Variants in ANAPC10 observed in about 807,000 individuals in gnomAD.
The protein encoded by ANAPC10 is anaphase-promoting complex subunit 10.
ANAPC10 carries 12 observed loss-of-function variants against 22.0 expected under a neutral mutation model. That is an observed-to-expected ratio of 0.55 (90% CI 0.35 to 0.88). The LOEUF (loss-of-function observed/expected upper bound fraction) is 0.88, where lower values mean the gene tolerates loss of function less well. Ranked by LOEUF, ANAPC10 falls within the 40% of genes least tolerant of loss-of-function variation. The probability of loss-of-function intolerance (pLI) is 0.01; values close to 1 mark genes in which losing one functional copy is unlikely to be tolerated. For missense variants in ANAPC10, 188 were observed against 220.9 expected, an observed-to-expected ratio of 0.85 and a Z score of 0.94; for synonymous variants, 65 against 69.5, an observed-to-expected ratio of 0.94 and a Z score of 0.32.
At chr4:145,043,214 A>C (rs1319419930) in intron 4 of ANAPC10, among the ~76,000 whole-genome samples, 1 of 152,156 alleles carries the variant, frequency 6.6e-6, no homozygotes, top group African/African-American at 2.4e-5. Context: ...TCAGTATACA[A>C]ATTTCTGTAA....
chr4:145,012,730 A>G (rs1421738347), intron 4 of ANAPC10, among the ~76,000 whole-genome samples: 2 of 152,198 alleles, frequency 1.3e-5, no homozygotes, highest in Non-Finnish European at 2.9e-5. Context: ...TCTTCTAAAT[A>G]TTTAAAAAAT....
chr4:145,012,197 CACACACACAT>C (rs1560821143), intron 4 of ANAPC10, among the ~76,000 whole-genome samples: 2 of 90,262 alleles, frequency 2.2e-5, no homozygotes, highest in Non-Finnish European at 4.6e-5. Flanking sequence ...TATATATATA[CACACACACAT>C]ATATATACAT....
chr4:145,096,494 T>C (rs1191038790), intron 1 of ANAPC10, among the ~76,000 whole-genome samples: 4 of 152,110 alleles, frequency 2.6e-5, no homozygotes, highest in African/African-American at 9.7e-5. Context: ...AGAATCAAAG[T>C]TTTGGCTTCA....
intron 4 of ANAPC10, among the ~76,000 whole-genome samples, chr4:145,005,940 A>G (rs1422337262): frequency 1.3e-5 from 2 of 151,930 alleles, no homozygotes; most frequent in African/African-American, 4.8e-5. Flanking sequence ...GCTGTTTTGG[A>G]GTGGAGAGTT....
chr4:145,029,934 G>A (rs955265870), intron 4 of ANAPC10, among the ~76,000 whole-genome samples: 2 of 152,122 alleles, frequency 1.3e-5, no homozygotes, highest in African/African-American at 2.4e-5. Context: ...CAGATCTAAC[G>A]ATGAGAACCA....
At chr4:145,089,020 C>T (rs995136418) in intron 2 of ANAPC10, among the ~76,000 whole-genome samples, 1 of 152,140 alleles carries the variant, frequency 6.6e-6, no homozygotes, top group Admixed American at 6.5e-5. Context: ...AATCTTTGCA[C>T]AATGAATTCT....
At chr4:145,062,369 G>A (rs1443723551) in intron 4 of ANAPC10, among the ~76,000 whole-genome samples, 1 of 152,190 alleles carries the variant, frequency 6.6e-6, no homozygotes, top group African/African-American at 2.4e-5. Flanking sequence ...CACTTTGGGA[G>A]GCCGAGAGAG....
At chr4:145,065,466 A>G (rs1743539177) in intron 3 of ANAPC10, among the ~76,000 whole-genome samples, 1 of 152,074 alleles carries the variant, frequency 6.6e-6, no homozygotes, top group Non-Finnish European at 1.5e-5. Context: ...ACCAGTTAGT[A>G]GAAACACAAC....
chr4:145,081,797 C>T, intron 2 of ANAPC10, 47 bp from the exon 3 acceptor site: 1 of 1,280,378 alleles, frequency 7.8e-7, no homozygotes, highest in Non-Finnish European at 1.1e-6. Context: ...AAAGAAACAA[C>T]TATACATGCA....
intron 4 of ANAPC10, among the ~76,000 whole-genome samples, chr4:145,046,604 C>CA (rs1740333439): frequency 6.6e-6 from 1 of 152,006 alleles, no homozygotes; most frequent in South Asian, 2.1e-4. Flanking sequence ...TCTTGCTTTA[C>CA]ATATGCCACA....
intron 4 of ANAPC10, among the ~76,000 whole-genome samples, chr4:145,012,207 T>C (rs1010977256): frequency 6.1e-5 from 8 of 131,544 alleles, no homozygotes; most frequent in East Asian, 4.6e-4. Flanking sequence ...CACACACACA[T>C]ATATATACAT....
At chr4:145,040,348 A>T (rs980638215) in intron 4 of ANAPC10, among the ~76,000 whole-genome samples, 2 of 152,142 alleles carry the variant, frequency 1.3e-5, no homozygotes, top group Non-Finnish European at 2.9e-5. Context: ...GGGTTTCTCC[A>T]TGTTGGTCAG....
chr4:145,026,957 G>GTGTGTGTGTATA (rs1343774253), intron 4 of ANAPC10, among the ~76,000 whole-genome samples: 5 of 18,350 alleles, frequency 2.7e-4, no homozygotes, highest in Non-Finnish European at 4.1e-4. Flanking sequence ...GTGTGTGTGT[G>GTGTGTGTGTATA]TATATATATA....
At chr4:145,055,683 A>T (rs1741963645) in intron 4 of ANAPC10, among the ~76,000 whole-genome samples, 1 of 152,202 alleles carries the variant, frequency 6.6e-6, no homozygotes, top group African/African-American at 2.4e-5. Flanking sequence ...GTATGATTTC[A>T]CTTATATGAG....
intron 3 of ANAPC10, among the ~76,000 whole-genome samples, chr4:145,066,330 T>C (rs905356992): frequency 6.6e-6 from 1 of 152,138 alleles, no homozygotes; most frequent in African/African-American, 2.4e-5. Flanking sequence ...ACTGACATCT[T>C]TCTCTCTGCT....
At chr4:145,062,363 T>A (rs1034785182) in intron 4 of ANAPC10, among the ~76,000 whole-genome samples, 1 of 152,154 alleles carries the variant, frequency 6.6e-6, no homozygotes, top group East Asian at 1.9e-4. Flanking sequence ...TCCTAGCACT[T>A]TGGGAGGCCG....
At chr4:145,002,159 C>A (rs985362867) in intron 4 of ANAPC10, among the ~76,000 whole-genome samples, 1 of 152,090 alleles carries the variant, frequency 6.6e-6, no homozygotes, top group South Asian at 2.1e-4. Flanking sequence ...GCAGCAGATT[C>A]TAGAATTTTA....
At chr4:145,075,387 C>T (rs1560914687) in intron 3 of ANAPC10, among the ~76,000 whole-genome samples, 1 of 151,788 alleles carries the variant, frequency 6.6e-6, no homozygotes, top group Non-Finnish European at 1.5e-5. Context: ...ATTTTAGCAA[C>T]CATCTTAAAT....
intron 2 of ANAPC10, among the ~76,000 whole-genome samples, chr4:145,089,160 A>G (rs1192964855): frequency 6.6e-6 from 1 of 152,208 alleles, no homozygotes; most frequent in Middle Eastern, 3.2e-3. Context: ...CAAAGCAAAT[A>G]TCACTATTCA....
Sources: gnomAD v4.1 joint callset for allele counts (sites outside exome capture counted in the v4.1 genomes callset) on GRCh38, gnomAD v4.1.1 for gene constraint, MANE v1.5 for transcripts, NCBI Gene and HGNC (gene_info 2026-07-23, HGNC 2026-07-21) for gene names.